SCG5: variants seen among roughly 807,000 people sequenced by gnomAD.
SCG5 encodes neuroendocrine protein 7B2.
In SCG5, 18 loss-of-function variants were observed where a neutral mutation model predicts 25.7. The ratio of observed to expected loss-of-function variants is 0.70; its 90% CI spans 0.48 to 1.04. The LOEUF is 1.04. SCG5 is among the 50% of genes least tolerant of loss of function. The pLI is 0.00. For synonymous variants in SCG5, 101 were observed against 91.7 expected, an observed-to-expected ratio of 1.10 and a Z score of -0.58; for missense variants, 206 against 259.8, an observed-to-expected ratio of 0.79 and a Z score of 1.42.
intron 2 of SCG5, among the ~76,000 whole-genome samples, chr15:32,676,430 T>C (rs2054531755): frequency 6.6e-6 from 1 of 152,218 alleles, no homozygotes; most frequent in African/African-American, 2.4e-5. Flanking sequence ...CCAAGTTGGA[T>C]AATTCCTGGC....
rs150476540 is a variant in SCG5 at position 32,659,201 on chromosome 15, A to G, written c.226+15383A>G. Among the ~76,000 whole-genome samples the G allele has an allele frequency of 4.7e-3, 699 of 149,048 alleles. 3 individuals are homozygous for G. The highest frequency in any genetic ancestry group is 0.016 in the African/African-American group (658 of 41,432). On this transcript the variant is annotated intron_variant, in intron 2 of 5. Transcript: ENST00000300175. ...AAAAAAAAACAAACAAAAAAAACCA[A>G]AAAAACTGTCAGAGAGATAATAGGA...
intron 1 of SCG5, among the ~76,000 whole-genome samples, chr15:32,642,105 T>C (rs942948279): frequency 1.3e-5 from 2 of 152,094 alleles, no homozygotes; most frequent in Non-Finnish European, 2.9e-5. Context: ...ACAGCTACTC[T>C]CAGCTCTTTG....
At chr15:32,676,036 T>A (rs190309883) in intron 2 of SCG5, among the ~76,000 whole-genome samples, 1 of 152,246 alleles carries the variant, frequency 6.6e-6, no homozygotes, top group Admixed American at 6.5e-5. Flanking sequence ...CTAAATATTA[T>A]AATGAACCAG....
intron 2 of SCG5, among the ~76,000 whole-genome samples, chr15:32,654,442 C>A (rs2054081784): frequency 6.6e-6 from 1 of 152,170 alleles, no homozygotes; most frequent in Admixed American, 6.5e-5. Context: ...CATAGCCCAG[C>A]TAGTATTTGT....
intron 2 of SCG5, among the ~76,000 whole-genome samples, chr15:32,659,124 C>T (rs1013925641): frequency 2.0e-5 from 3 of 151,770 alleles, no homozygotes; most frequent in African/African-American, 4.8e-5. Context: ...GGCAGTGAGC[C>T]GAGATGGCGC....
chr15:32,650,265 T>G (rs570051436), intron 2 of SCG5, among the ~76,000 whole-genome samples: 49 of 151,616 alleles, frequency 3.2e-4, no homozygotes, highest in African/African-American at 1.2e-3. Context: ...ACCTGGCTAA[T>G]TTTTTTTTCG....
At chr15:32,694,024 C>T (rs985214492) in intron 5 of SCG5, among the ~76,000 whole-genome samples, 11 of 152,054 alleles carry the variant, frequency 7.2e-5, no homozygotes, top group Non-Finnish European at 1.5e-4. Flanking sequence ...GCAGGAGAAT[C>T]GTTTGAACCT....
Position 32,696,907 on chromosome 15 carries a change from G to A in SCG5, c.*298G>A, listed in dbSNP as rs1285228234. On this transcript the variant is annotated 3_prime_UTR_variant, in exon 6 of 6. Coordinates refer to ENST00000300175, the MANE Select transcript of SCG5 (RefSeq NM_001144757.3). The stretch of plus-strand genomic sequence containing the variant: ...AGACTATGAAAGGCTCAGATTTCTT[G>A]CAGTTTAAAATGGTGTCTGAGGTTG... 2 of 263,902 alleles carry A rather than the reference G, an allele frequency of 7.6e-6. No homozygotes were observed. Among genetic ancestry groups the A allele is most frequent in the African/African-American group, 2.2e-5 (1 of 45,382 alleles). 16.3% of individuals were successfully genotyped at this position (263,902 alleles called of 1,614,324 possible). A position where few individuals can be genotyped will look rare whatever the true frequency, so the allele number is the denominator to read the frequency against.
chr15:32,683,372 G>T lies in SCG5; in HGVS notation c.377-1185G>T, dbSNP rs74687783. Among the ~76,000 whole-genome samples the T allele has an allele frequency of 6.9e-3, 1,043 of 151,992 alleles. 13 individuals are homozygous for T. Among genetic ancestry groups the T allele is most frequent in the African/African-American group, 0.024 (1,000 of 41,428 alleles). On this transcript the variant is annotated intron_variant, in intron 3 of 5. Coordinates refer to ENST00000300175, the MANE Select transcript of SCG5 (RefSeq NM_001144757.3). ...CTCTGTCCCCCTTTTTATTGCTGTTGTCTAAAATATATTAGACATGGGAAA... is the reference window on the plus strand; with the variant it reads ...CTCTGTCCCCCTTTTTATTGCTGTTTTCTAAAATATATTAGACATGGGAAA...
intron 4 of SCG5, 101 bp downstream of exon 4, chr15:32,684,770 AT>A: frequency 1.4e-6 from 1 of 714,728 alleles, no homozygotes; most frequent in Non-Finnish European, 2.4e-6. Flanking sequence ...AAGAAAAATT[AT>A]TTAGAAGCTA....
At chr15:32,672,266 C>G (rs1370431214) in intron 2 of SCG5, among the ~76,000 whole-genome samples, 1 of 152,244 alleles carries the variant, frequency 6.6e-6, no homozygotes, top group Non-Finnish European at 1.5e-5. Context: ...TCCCTGGCAC[C>G]AGGCTGCCCC....
chr15:32,670,220 T>C (rs960644312), intron 2 of SCG5, among the ~76,000 whole-genome samples: 1 of 152,276 alleles, frequency 6.6e-6, no homozygotes, highest in Non-Finnish European at 1.5e-5. Flanking sequence ...TTTGCTTATC[T>C]GCCAACAGGC....
intron 2 of SCG5, among the ~76,000 whole-genome samples, chr15:32,652,257 G>A (rs1392109689): frequency 6.6e-6 from 1 of 152,220 alleles, no homozygotes; most frequent in East Asian, 1.9e-4. Flanking sequence ...CCGGCTCTGG[G>A]GAGTAGTGGG....
At chr15:32,645,747 A>G (rs569312048) in intron 2 of SCG5, among the ~76,000 whole-genome samples, 2 of 152,360 alleles carry the variant, frequency 1.3e-5, no homozygotes, top group East Asian at 3.9e-4. Context: ...ATGAAAGATC[A>G]TGGATTAGGA....
chr15:32,678,425 A>G (rs1332228285), intron 2 of SCG5, among the ~76,000 whole-genome samples: 2 of 152,230 alleles, frequency 1.3e-5, no homozygotes, highest in Admixed American at 6.5e-5. Flanking sequence ...ATTAGTAAAT[A>G]TATGGGAAGA....
At chr15:32,644,724 G>A (rs1347131126) in intron 2 of SCG5, among the ~76,000 whole-genome samples, 2 of 152,184 alleles carry the variant, frequency 1.3e-5, no homozygotes, top group African/African-American at 4.8e-5. Context: ...ATGCAAGGGA[G>A]CATTTCCTTA....
intron 2 of SCG5, chr15:32,666,506 G>T (rs919459270): frequency 2.0e-5 from 3 of 152,202 alleles, no homozygotes; most frequent in Admixed American, 6.5e-5. Context: ...CAAGGAGAAA[G>T]AAACGAACAT....
intron 2 of SCG5, among the ~76,000 whole-genome samples, chr15:32,648,428 G>T (rs2053979854): frequency 6.6e-6 from 1 of 152,072 alleles, no homozygotes; most frequent in South Asian, 2.1e-4. Context: ...TTTTTCAGGA[G>T]TTAAACTTGA....
chr15:32,661,022 G>A (rs1002879406), intron 2 of SCG5, among the ~76,000 whole-genome samples: 2 of 152,192 alleles, frequency 1.3e-5, no homozygotes, highest in African/African-American at 4.8e-5. Flanking sequence ...TAATAGTGTT[G>A]GAGGAGAAGG....
Sources: allele counts gnomAD v4.1 joint callset (sites outside exome capture counted in the v4.1 genomes callset), GRCh38; gene constraint gnomAD v4.1.1; transcripts MANE v1.5; gene names NCBI Gene and HGNC (gene_info 2026-07-23, HGNC 2026-07-21).